Variants in NEO1 observed in about 807,000 individuals in gnomAD.
NEO1 encodes neogenin.
In NEO1, 63 loss-of-function variants were observed where a neutral mutation model predicts 159.7. The ratio of observed to expected loss-of-function variants is 0.39; its 90% CI spans 0.32 to 0.49. The LOEUF is 0.49. Among genes scored for constraint, NEO1 ranks in the 20% least tolerant of loss-of-function variants. The probability of loss-of-function intolerance (pLI) is 0.85; values close to 1 mark genes in which losing one functional copy is unlikely to be tolerated. For missense variants in NEO1, 1,615 were observed against 1,831.0 expected, an observed-to-expected ratio of 0.88 and a Z score of 2.15; for synonymous variants, 633 against 662.0, an observed-to-expected ratio of 0.96 and a Z score of 0.67.
At chr15:73,084,802 A>G (rs1040030266) in intron 1 of NEO1, among the ~76,000 whole-genome samples, 5 of 150,356 alleles carry the variant, frequency 3.3e-5, no homozygotes, top group Admixed American at 2.7e-4. Context: ...TGTGTGTTTA[A>G]TGTGTGTGTG....
intron 1 of NEO1, among the ~76,000 whole-genome samples, chr15:73,062,513 A>C (rs1595890049): frequency 6.6e-6 from 1 of 152,230 alleles, no homozygotes; most frequent in South Asian, 2.1e-4. Context: ...ACTCCTGCTA[A>C]CCACTGCTCA....
intron 1 of NEO1, among the ~76,000 whole-genome samples, chr15:73,088,793 A>T (rs780163338): frequency 2.6e-5 from 4 of 152,090 alleles, no homozygotes; most frequent in Non-Finnish European, 5.9e-5. Flanking sequence ...TTCAAAAGAG[A>T]GCATTTTAGT....
chr15:73,063,041 T>C (rs368956128), intron 1 of NEO1, among the ~76,000 whole-genome samples: 7 of 152,246 alleles, frequency 4.6e-5, no homozygotes, highest in South Asian at 2.1e-4. Context: ...CTCTGTTTAC[T>C]GAAGAAGATA....
intron 1 of NEO1, among the ~76,000 whole-genome samples, chr15:73,056,681 T>G (rs2067713092): frequency 6.6e-6 from 1 of 152,190 alleles, no homozygotes; most frequent in African/African-American, 2.4e-5. Context: ...GCCCTTCCCC[T>G]CAAACCTTAT....
intron 5 of NEO1, among the ~76,000 whole-genome samples, chr15:73,175,493 A>G (rs190187642): frequency 7.9e-5 from 12 of 152,352 alleles, no homozygotes; most frequent in African/African-American, 1.4e-4. Context: ...TAAGACGTCA[A>G]GTTGCCACAA....
At chr15:73,259,034 G>C in intron 14 of NEO1, 158 bp downstream of exon 14, 2 of 609,448 alleles carry the variant, frequency 3.3e-6, no homozygotes, top group Non-Finnish European at 5.8e-6. Flanking sequence ...GAGGCTGCTG[G>C]AATGGATTTT....
chr15:73,203,549 C>T (rs1446292729), intron 7 of NEO1, among the ~76,000 whole-genome samples: 1 of 152,056 alleles, frequency 6.6e-6, no homozygotes, highest in Non-Finnish European at 1.5e-5. Flanking sequence ...GGTTTCTTTT[C>T]TCCCTCTTTT....
At chr15:73,152,475 C>T (rs1417952183) in intron 5 of NEO1, among the ~76,000 whole-genome samples, 1 of 152,066 alleles carries the variant, frequency 6.6e-6, no homozygotes, top group African/African-American at 2.4e-5. Flanking sequence ...GCTCTGCGCC[C>T]CTTTCTCCCT....
chr15:73,190,829 T>A (rs2036198796), intron 7 of NEO1, among the ~76,000 whole-genome samples: 1 of 152,086 alleles, frequency 6.6e-6, no homozygotes. Flanking sequence ...ACTGAATATG[T>A]ATCTGCTGTC....
intron 22 of NEO1, among the ~76,000 whole-genome samples, chr15:73,279,233 A>G (rs1348398909): frequency 6.6e-6 from 1 of 151,862 alleles, no homozygotes; most frequent in East Asian, 1.9e-4. Context: ...TGTATGTGAC[A>G]TTTATATTGT....
chr15:73,088,128 TATAAA>T (rs2069467366), intron 1 of NEO1, among the ~76,000 whole-genome samples: 1 of 152,024 alleles, frequency 6.6e-6, no homozygotes, highest in African/African-American at 2.4e-5. Flanking sequence ...TGTAAAGACA[TATAAA>T]ATATATAGTA....
At chr15:73,279,626 G>A (rs1264362637) in intron 22 of NEO1, among the ~76,000 whole-genome samples, 1 of 152,036 alleles carries the variant, frequency 6.6e-6, no homozygotes, top group Non-Finnish European at 1.5e-5. Flanking sequence ...TGGGATTACA[G>A]GCGTGAGCCA....
At chr15:73,141,668 C>T (rs1396182711) in intron 5 of NEO1, among the ~76,000 whole-genome samples, 4 of 152,182 alleles carry the variant, frequency 2.6e-5, no homozygotes, top group African/African-American at 9.7e-5. Flanking sequence ...ACTGTCTTTC[C>T]TTAAGCCACA....
At chr15:73,118,813 C>G (rs1201513247) in intron 2 of NEO1, among the ~76,000 whole-genome samples, 1 of 152,112 alleles carries the variant, frequency 6.6e-6, no homozygotes, top group African/African-American at 2.4e-5. Context: ...TAAATAGTTG[C>G]ATGGTATACA....
intron 7 of NEO1, among the ~76,000 whole-genome samples, chr15:73,181,396 C>G (rs2035604061): frequency 6.6e-6 from 1 of 152,124 alleles, no homozygotes; most frequent in Admixed American, 6.5e-5. Context: ...AAGGATCCTA[C>G]TAAGGAGATT....
intron 7 of NEO1, among the ~76,000 whole-genome samples, chr15:73,210,068 C>G (rs62017779): frequency 0.46 from 69,400 of 151,964 alleles, 16,499 homozygotes; most frequent in Admixed American, 0.54. Flanking sequence ...CCATATAGAT[C>G]CTATCTGAAG....
intron 5 of NEO1, among the ~76,000 whole-genome samples, chr15:73,136,946 A>C (rs1567285321): frequency 6.6e-6 from 1 of 152,160 alleles, no homozygotes; most frequent in Non-Finnish European, 1.5e-5. Flanking sequence ...TTCACTCCTA[A>C]GAATGAAACT....
intron 21 of NEO1, among the ~76,000 whole-genome samples, chr15:73,275,717 G>T (rs1314854284): frequency 1.3e-5 from 2 of 152,014 alleles, no homozygotes; most frequent in Non-Finnish European, 2.9e-5. Context: ...GCAAACAGGG[G>T]CCTCCATGTC....
chr15:73,075,416 C>T (rs995115554), intron 1 of NEO1, among the ~76,000 whole-genome samples: 1 of 152,082 alleles, frequency 6.6e-6, no homozygotes, highest in African/African-American at 2.4e-5. Context: ...ATCAGTGTGT[C>T]TCAAAGCAGT....
Sources: gnomAD v4.1 joint callset for allele counts (sites outside exome capture counted in the v4.1 genomes callset) on GRCh38, gnomAD v4.1.1 for gene constraint, MANE v1.5 for transcripts, NCBI Gene and HGNC (gene_info 2026-07-23, HGNC 2026-07-21) for gene names.